LOXL2: variants seen among roughly 807,000 people sequenced by gnomAD.
The protein encoded by LOXL2 is lysyl oxidase homolog 2.
LOXL2 carries 70 observed loss-of-function variants against 93.0 expected under a neutral mutation model. The observed-to-expected ratio is 0.75, with a 90% CI of 0.62 to 0.92. The LOEUF (loss-of-function observed/expected upper bound fraction) is 0.92. LOXL2 is among the 40% of genes least tolerant of loss of function. LOXL2 has a pLI of 0.00. For synonymous variants in LOXL2, 438 were observed against 413.2 expected, an observed-to-expected ratio of 1.06 and a Z score of -0.73; for missense variants, 973 against 1,054.9, an observed-to-expected ratio of 0.92 and a Z score of 1.08.
chr8:23,319,389 A>G (rs1315459722), intron 8 of LOXL2, among the ~76,000 whole-genome samples: 4 of 151,916 alleles, frequency 2.6e-5, no homozygotes, highest in African/African-American at 9.7e-5. Context: ...AGGCTTGGAG[A>G]TTCCCTAGCG....
At chr8:23,395,952 G>A (rs564964050) in intron 1 of LOXL2, among the ~76,000 whole-genome samples, 2 of 152,234 alleles carry the variant, frequency 1.3e-5, no homozygotes, top group Admixed American at 1.3e-4. Flanking sequence ...AGAATTACAG[G>A]TGTGAGCCAC....
At position 23,401,559 on chromosome 8, in the gene LOXL2, CTG is replaced by C. The variant is rs148396710; in HGVS notation, c.-84+2393_-84+2394del. Among the ~76,000 whole-genome samples the C allele has an allele frequency of 8.0e-3, 1,212 of 152,290 alleles. 9 individuals are homozygous for C. Among genetic ancestry groups the C allele is most frequent in the African/African-American group, 0.027 (1,141 of 41,562 alleles). On this transcript the variant is annotated intron_variant, in intron 1 of 13. Coordinates refer to ENST00000389131, the MANE Select transcript of LOXL2 (RefSeq NM_002318.3). ...AGATGACGTACATGTGGCAAAATAA[CTG>C]TTGAAATTCAGTGAGAAGCTTATGA...
rs570059688 is a variant in LOXL2, at chr8:23,323,371, C to T, written c.1151-1090G>A. Among the ~76,000 whole-genome samples, 3 of 152,296 alleles carry T rather than the reference C, an allele frequency of 2.0e-5. 1 individual carries two copies. In the South Asian group the frequency reaches 6.2e-4, roughly 32 times the overall value. Reference sequence around the variant, plus strand: ...AGCTGGGCTGATCTGGTCCAAACGCCCACGCTCTCCTCCCTCTAGGGAAGC... The same window carrying T: ...AGCTGGGCTGATCTGGTCCAAACGCTCACGCTCTCCTCCCTCTAGGGAAGC... On this transcript the variant is annotated intron_variant, in intron 6 of 13. Coordinates refer to ENST00000389131, the MANE Select transcript of LOXL2 (RefSeq NM_002318.3).
chr8:23,333,001 CT>C (rs1803730346), intron 5 of LOXL2, among the ~76,000 whole-genome samples: 1 of 151,724 alleles, frequency 6.6e-6, no homozygotes, highest in Admixed American at 6.6e-5. Context: ...TTGGTGGAAG[CT>C]TTTTAAAATT....
chr8:23,394,113 C>T (rs970274695), intron 1 of LOXL2, among the ~76,000 whole-genome samples: 5 of 152,176 alleles, frequency 3.3e-5, no homozygotes, highest in African/African-American at 9.7e-5. Flanking sequence ...GAAACCCAGG[C>T]TAGGCACGGT....
At chr8:23,350,797 T>C (rs1040902192) in intron 3 of LOXL2, among the ~76,000 whole-genome samples, 9 of 152,078 alleles carry the variant, frequency 5.9e-5, no homozygotes, top group Admixed American at 5.9e-4. Flanking sequence ...GCTGGAAAAC[T>C]GAATGCTCTG....
rs368907024 is a variant in LOXL2, at chr8:23,309,664, C to T, written c.1880+4G>A. ...TAGTGGGGAGGGTGGCCAGCCAGGC[C>T]TACCTGTGACAGTCGTGCCAGATCC... is the stretch of plus-strand genomic sequence containing the variant. On this transcript the variant is annotated splice_donor_region_variant and intron_variant, in intron 10 of 13. Transcript: ENST00000389131. 14 of 1,443,426 alleles carry T rather than the reference C, an allele frequency of 9.7e-6. No homozygotes were observed. The highest frequency in any genetic ancestry group is 1.3e-5 in the Non-Finnish European group (14 of 1,089,038). The allele number at this position is 1,443,426 out of a possible 1,614,324, so 89.4% of individuals were successfully genotyped here.
chr8:23,315,850 G>C (rs1199402896), intron 9 of LOXL2, among the ~76,000 whole-genome samples: 1 of 152,100 alleles, frequency 6.6e-6, no homozygotes, highest in Non-Finnish European at 1.5e-5. Context: ...ATTTAGGTTT[G>C]TATTATCTTC....
chr8:23,333,488 A>G lies in LOXL2; in HGVS notation c.879T>C (p.Asn293=). Residue 293 remains asparagine, a synonymous_variant, in exon 5 of 14, where the codon AAT becomes AAC. Transcript: ENST00000389131. ...CACAACTCACCACGGCCGGTAGCCC[A>G]TTCTCGCAGGTGACATTCTTCATGG... ...LDPMKNVTCE[N]GLPAVVSCVP... 6.2e-7 allele frequency: 1 copy of G among 1,613,986 alleles called. No individual in the cohort carries two copies. The highest frequency in any genetic ancestry group is 8.5e-7 in the Non-Finnish European group (1 of 1,180,036).
chr8:23,322,362 G>C, intron 6 of LOXL2, 81 bp from the exon 7 acceptor site: 1 of 1,275,998 alleles, frequency 7.8e-7, no homozygotes, highest in Non-Finnish European at 1.1e-6. Context: ...TGGACAATAA[G>C]AACATGCCTC....
At chr8:23,347,577 G>A (rs1425887005) in intron 3 of LOXL2, among the ~76,000 whole-genome samples, 3 of 152,162 alleles carry the variant, frequency 2.0e-5, no homozygotes, top group Non-Finnish European at 4.4e-5. Flanking sequence ...TTGAACCCAG[G>A]AGGCGGAGTT....
At chr8:23,304,260 T>A (rs1469569125) in intron 10 of LOXL2, among the ~76,000 whole-genome samples, 1 of 152,194 alleles carries the variant, frequency 6.6e-6, no homozygotes, top group Non-Finnish European at 1.5e-5. Context: ...TCGGGAGGAA[T>A]TGAGAACAGA....
chr8:23,341,512 C>A, intron 3 of LOXL2: 1 of 449,764 alleles, frequency 2.2e-6, no homozygotes, highest in Non-Finnish European at 4.1e-6. Context: ...TCTTGGAGAG[C>A]AAAGGGCAGC....
intron 3 of LOXL2, among the ~76,000 whole-genome samples, chr8:23,345,332 C>T (rs1803952198): frequency 1.3e-5 from 2 of 152,204 alleles, no homozygotes; most frequent in Non-Finnish European, 2.9e-5. Context: ...TCACCCAGGG[C>T]AGGGCCTGGA....
chr8:23,304,017 G>A (rs1222200553), intron 10 of LOXL2, among the ~76,000 whole-genome samples: 6 of 152,254 alleles, frequency 3.9e-5, no homozygotes, highest in African/African-American at 1.4e-4. Context: ...GGCCCTGGGA[G>A]GTGAGCAGCA....
At chr8:23,298,205 C>A in intron 13 of LOXL2, 83 bp from the exon 14 acceptor site, 1 of 1,048,918 alleles carries the variant, frequency 9.5e-7, no homozygotes, top group Non-Finnish European at 1.5e-6. Flanking sequence ...GAGTGGGCCT[C>A]AGGGGCTGCT....
chr8:23,401,360 G>C (rs1287042863), intron 1 of LOXL2, among the ~76,000 whole-genome samples: 1 of 151,982 alleles, frequency 6.6e-6, no homozygotes, highest in Admixed American at 6.5e-5. Flanking sequence ...CTTAAATATA[G>C]ACTGCTATTT....
intron 11 of LOXL2, among the ~76,000 whole-genome samples, chr8:23,302,893 G>A (rs867773477): frequency 6.6e-6 from 1 of 152,150 alleles, no homozygotes; most frequent in Admixed American, 6.5e-5. Context: ...TAATTGAAGG[G>A]TGACACCTGG....
chr8:23,323,095 G>A (rs1803522576), intron 6 of LOXL2, among the ~76,000 whole-genome samples: 2 of 152,220 alleles, frequency 1.3e-5, no homozygotes, highest in Admixed American at 6.5e-5. Flanking sequence ...TCAGGCAGGA[G>A]CCAAGTTTCT....
Sources: allele counts gnomAD v4.1 joint callset (sites outside exome capture counted in the v4.1 genomes callset), GRCh38; gene constraint gnomAD v4.1.1; transcripts MANE v1.5; gene names NCBI Gene and HGNC (gene_info 2026-07-23, HGNC 2026-07-21).